RBMS3: variants seen among roughly 807,000 people sequenced by gnomAD.
RBMS3 encodes RNA binding motif single stranded interacting protein 3.
In RBMS3, 27 loss-of-function variants were observed where a neutral mutation model predicts 66.8. That is an observed-to-expected ratio of 0.40 (90% CI 0.30 to 0.56). RBMS3 has a LOEUF of 0.56. RBMS3 is among the 20% of genes least tolerant of loss of function. The pLI, the probability that RBMS3 is intolerant of heterozygous loss-of-function variation, is 0.40. For missense variants in RBMS3, 513 were observed against 549.5 expected, an observed-to-expected ratio of 0.93 and a Z score of 0.66; for synonymous variants, 188 against 183.0, an observed-to-expected ratio of 1.03 and a Z score of -0.22.
At position 29,687,148 on chromosome 3, in the gene RBMS3, C is replaced by T. The variant is rs958283102; in HGVS notation, c.400-52572C>T. Among the ~76,000 whole-genome samples, 3 of 152,122 alleles carry T rather than the reference C, an allele frequency of 2.0e-5. No individual in the cohort carries two copies. In the South Asian group the frequency reaches 6.2e-4, roughly 31 times the overall value. On this transcript the variant is annotated intron_variant, in intron 4 of 14. Coordinates refer to ENST00000383767, the MANE Select transcript of RBMS3 (RefSeq NM_001003793.3). ...TTTTTTCCTTCCTTTTCAGGTCACA[C>T]TTATACTTTTATGCAAAATATTCTA...
At chr3:29,566,485 C>T (rs1239804943) in intron 3 of RBMS3, among the ~76,000 whole-genome samples, 1 of 152,048 alleles carries the variant, frequency 6.6e-6, no homozygotes, top group Non-Finnish European at 1.5e-5. Context: ...TACATGATAC[C>T]TTCCCCAGTG....
intron 6 of RBMS3, among the ~76,000 whole-genome samples, chr3:29,796,508 A>C (rs1217690225): frequency 1.3e-5 from 2 of 152,316 alleles, no homozygotes; most frequent in East Asian, 3.9e-4. Context: ...CAGAGGAATC[A>C]CTATCTATGA....
chr3:29,333,946 T>G (rs2035807476), intron 1 of RBMS3, among the ~76,000 whole-genome samples: 1 of 152,196 alleles, frequency 6.6e-6, no homozygotes, highest in Admixed American at 6.5e-5. Flanking sequence ...TGCTCAGTAC[T>G]TCCATAATTA....
intron 6 of RBMS3, among the ~76,000 whole-genome samples, chr3:29,817,370 A>AT (rs1467490573): frequency 2.0e-5 from 3 of 151,482 alleles, no homozygotes; most frequent in African/African-American, 7.3e-5. Flanking sequence ...CGCCTGGCTA[A>AT]TTTTTTGTAT....
At chr3:29,333,577 A>G (rs2035786955) in intron 1 of RBMS3, among the ~76,000 whole-genome samples, 1 of 152,166 alleles carries the variant, frequency 6.6e-6, no homozygotes, top group Non-Finnish European at 1.5e-5. Context: ...TGAAGCTACA[A>G]TTAAGGTGAT....
intron 3 of RBMS3, among the ~76,000 whole-genome samples, chr3:29,538,085 A>C (rs1457340122): frequency 6.6e-6 from 1 of 152,202 alleles, no homozygotes; most frequent in Admixed American, 6.5e-5. Context: ...CCCTAGGGTA[A>C]CATGTCATTC....
intron 2 of RBMS3, among the ~76,000 whole-genome samples, chr3:29,438,570 A>T (rs2041488601): frequency 6.6e-6 from 1 of 152,224 alleles, no homozygotes; most frequent in East Asian, 1.9e-4. Flanking sequence ...AGAAAAGAAG[A>T]TAAGACTGAA....
intron 6 of RBMS3, among the ~76,000 whole-genome samples, chr3:29,855,134 A>G (rs1004544345): frequency 6.6e-6 from 1 of 152,166 alleles, no homozygotes; most frequent in African/African-American, 2.4e-5. Flanking sequence ...TATTTACTAC[A>G]TGCTACTCTA....
intron 3 of RBMS3, among the ~76,000 whole-genome samples, chr3:29,538,877 A>C (rs777904329): frequency 6.6e-6 from 1 of 152,218 alleles, no homozygotes; most frequent in Non-Finnish European, 1.5e-5. Context: ...GTAAAATAAG[A>C]ATGCTCAATT....
intron 1 of RBMS3, among the ~76,000 whole-genome samples, chr3:29,309,914 T>G (rs2034268654): frequency 6.6e-6 from 1 of 151,674 alleles, no homozygotes; most frequent in African/African-American, 2.4e-5. Context: ...TAAAAAAGTT[T>G]GAGATTTAAA....
At chr3:29,856,069 A>T (rs1408133542) in intron 6 of RBMS3, among the ~76,000 whole-genome samples, 1 of 152,210 alleles carries the variant, frequency 6.6e-6, no homozygotes, top group Non-Finnish European at 1.5e-5. Context: ...TTTATAATTT[A>T]AAAAATATTT....
At chr3:29,786,545 T>G (rs527702399) in intron 6 of RBMS3, among the ~76,000 whole-genome samples, 1 of 152,110 alleles carries the variant, frequency 6.6e-6, no homozygotes, top group African/African-American at 2.4e-5. Flanking sequence ...AGCCAAATAC[T>G]TACAACCAAC....
intron 2 of RBMS3, among the ~76,000 whole-genome samples, chr3:29,437,583 G>A (rs2041448014): frequency 6.6e-6 from 1 of 152,158 alleles, no homozygotes; most frequent in South Asian, 2.1e-4. Context: ...TTACAGCAGT[G>A]ATCTAGAACT....
chr3:29,696,025 T>G (rs970248457), intron 4 of RBMS3, among the ~76,000 whole-genome samples: 4 of 152,192 alleles, frequency 2.6e-5, no homozygotes, highest in African/African-American at 9.7e-5. Context: ...CTTTCTTCTT[T>G]CTTGCCGTCA....
At chr3:29,787,821 C>T (rs2056870801) in intron 6 of RBMS3, among the ~76,000 whole-genome samples, 1 of 151,756 alleles carries the variant, frequency 6.6e-6, no homozygotes, top group African/African-American at 2.4e-5. Context: ...CATCTGTTAC[C>T]CCAAAACCTA....
intron 11 of RBMS3, among the ~76,000 whole-genome samples, chr3:29,937,320 A>G (rs1577198221): frequency 6.6e-6 from 1 of 152,016 alleles, no homozygotes; most frequent in Non-Finnish European, 1.5e-5. Flanking sequence ...TGATTCTTCA[A>G]TTATGCTGAC....
intron 1 of RBMS3, among the ~76,000 whole-genome samples, chr3:29,392,902 GAA>G (rs5847566): frequency 0.11 from 16,152 of 144,594 alleles, 1,179 homozygotes; most frequent in East Asian, 0.32. Context: ...AGTGTCTACA[GAA>G]AAAAAAAAAC....
At chr3:29,402,462 T>TA (rs2039852058) in intron 1 of RBMS3, among the ~76,000 whole-genome samples, 1 of 151,896 alleles carries the variant, frequency 6.6e-6, no homozygotes, top group Non-Finnish European at 1.5e-5. Flanking sequence ...AGCAGTGATG[T>TA]AGGTTTTTAC....
chr3:29,850,396 T>C (rs2058903209), intron 6 of RBMS3, among the ~76,000 whole-genome samples: 1 of 152,188 alleles, frequency 6.6e-6, no homozygotes, highest in African/African-American at 2.4e-5. Flanking sequence ...TCTACTTCAT[T>C]AATATTCACT....
Sources: gnomAD v4.1 joint callset for allele counts (sites outside exome capture counted in the v4.1 genomes callset) on GRCh38, gnomAD v4.1.1 for gene constraint, MANE v1.5 for transcripts, NCBI Gene and HGNC (gene_info 2026-07-23, HGNC 2026-07-21) for gene names.